Variants in MICAL2 observed in about 807,000 individuals in gnomAD.
The protein encoded by MICAL2 is microtubule associated monooxygenase, calponin and LIM domain containing 2, also known as [F-actin]-monooxygenase MICAL2.
A neutral mutation model predicts 127.3 loss-of-function variants in MICAL2; 77 were observed. The ratio of observed to expected loss-of-function variants is 0.60; its 90% CI spans 0.50 to 0.73. MICAL2 has a LOEUF of 0.73. Among genes scored for constraint, MICAL2 ranks in the 30% least tolerant of loss-of-function variants. The probability of loss-of-function intolerance (pLI) is 0.00; values close to 1 mark genes in which losing one functional copy is unlikely to be tolerated. For missense variants in MICAL2, 1,351 were observed against 1,434.4 expected (o/e 0.94, Z 0.94); for synonymous variants, 570 against 551.1 (o/e 1.03, Z -0.48).
At chr11:12,290,783 C>T (rs77237453), downstream of MICAL2, among the ~76,000 whole-genome samples, 590 of 152,292 alleles carry the variant, frequency 3.9e-3, 5 homozygotes, top group South Asian at 0.032. Context: ...TCAGAGCCCA[C>T]GGCTGGGACA....
chr11:12,249,321 G>C (rs1040349921), intron 22 of MICAL2, 75 bp downstream of exon 22: 2 of 854,870 alleles, frequency 2.3e-6, no homozygotes, highest in Non-Finnish European at 4.0e-6. Flanking sequence ...GCAGGGCTCT[G>C]GGAGTTAAGC....
In MICAL2 at chr11:12,242,654, TCTCA is replaced by T; in HGVS notation, c.2557-15_2557-12del. 6.2e-7 allele frequency: 1 copy of T among 1,601,134 alleles called. No individual in the cohort carries two copies. Among genetic ancestry groups the T allele is most frequent in the Non-Finnish European group, 8.5e-7 (1 of 1,169,870 alleles). On this transcript the variant is annotated splice_polypyrimidine_tract_variant and intron_variant, in intron 19 of 27. Transcript: ENST00000683283. ...CACTATCTCTCTTTTCTTTCTCCTT[TCTCA>T]CCTTCACTGCAGAAGAGGGCTCAGA... is the stretch of plus-strand genomic sequence containing the variant.
chr11:12,303,100 A>G (rs1014292085), intron 29 of MICAL2, among the ~76,000 whole-genome samples: 10 of 152,116 alleles, frequency 6.6e-5, no homozygotes, highest in African/African-American at 2.4e-4. Context: ...CTATCACAAA[A>G]ACAGCATGAA....
chr11:12,204,432 C>A lies in MICAL2; in HGVS notation c.447C>A (p.Phe149Leu), dbSNP rs1233266043. 1 of 1,614,152 alleles carries A rather than the reference C, an allele frequency of 6.2e-7. No homozygotes were observed. The highest frequency in any genetic ancestry group is 1.7e-5 in the Admixed American group (1 of 60,028). Residue 149 changes from phenylalanine to leucine, a missense_variant, in exon 4 of 28, where the codon TTC (phenylalanine) becomes TTA (leucine). Transcript: ENST00000683283. ...GLGAKKFYGK[F>L]CAGSIDHISI... The stretch of plus-strand genomic sequence containing the variant: ...GAGCCAAGAAGTTCTATGGGAAGTT[C>A]TGTGCTGGCTCCATCGACCATATCA...
chr11:12,212,291 G>A (rs1269061331), intron 6 of MICAL2, among the ~76,000 whole-genome samples: 2 of 152,134 alleles, frequency 1.3e-5, no homozygotes, highest in African/African-American at 4.8e-5. Context: ...GCAACATGAT[G>A]AAACTGTGTC....
intron 29 of MICAL2, among the ~76,000 whole-genome samples, chr11:12,312,064 A>G (rs1864181007): frequency 6.6e-6 from 1 of 151,464 alleles, no homozygotes; most frequent in Non-Finnish European, 1.5e-5. Context: ...AATAGTTCAT[A>G]TAATAACTTC....
intron 1 of MICAL2, among the ~76,000 whole-genome samples, chr11:12,129,600 C>A (rs1368845588): frequency 1.4e-5 from 2 of 145,452 alleles, no homozygotes. Context: ...GACCAGCCGA[C>A]CTTTATACAA....
chr11:12,221,951 A>T (rs1856862198), intron 10 of MICAL2, among the ~76,000 whole-genome samples, 192 bp downstream of exon 10: 1 of 152,178 alleles, frequency 6.6e-6, no homozygotes, highest in African/African-American at 2.4e-5. Flanking sequence ...TGACTCTTAC[A>T]GTGACTTTCT....
chr11:12,159,031 G>A (rs1854491858), intron 2 of MICAL2, among the ~76,000 whole-genome samples: 1 of 152,172 alleles, frequency 6.6e-6, no homozygotes, highest in African/African-American at 2.4e-5. Flanking sequence ...TCTGAGCCTG[G>A]TACAGGCTGC....
At chr11:12,231,957 G>A (rs536603242) in intron 15 of MICAL2, among the ~76,000 whole-genome samples, 40 of 152,154 alleles carry the variant, frequency 2.6e-4, no homozygotes, top group Non-Finnish European at 5.0e-4. Context: ...ACAGATTTAC[G>A]TCTGCTGGGG....
chr11:12,239,284 G>A lies in MICAL2; in HGVS notation c.2065-152G>A, dbSNP rs907505100. 2.7e-5 allele frequency: 26 copies of A among 958,102 alleles called. 1 individual carries two copies. Among genetic ancestry groups the A allele is most frequent in the African/African-American group, 1.8e-4 (11 of 60,664 alleles). The allele number at this position is 958,102 out of a possible 1,614,324, so 59.4% of individuals were successfully genotyped here. A position where few individuals can be genotyped will look rare whatever the true frequency, so the allele number is the denominator to read the frequency against. On this transcript the variant is annotated intron_variant, in intron 16 of 27. Coordinates refer to ENST00000683283, the MANE Select transcript of MICAL2 (RefSeq NM_001282663.2). The stretch of plus-strand genomic sequence containing the variant: ...TCCCTCCTGTGAGCATTGCCTCTGC[G>A]GGGGTGGCCCTGCTGCCTCTGCCTC...
intron 1 of MICAL2, among the ~76,000 whole-genome samples, chr11:12,112,911 G>T (rs1183030586): frequency 6.6e-6 from 1 of 152,044 alleles, no homozygotes; most frequent in African/African-American, 2.4e-5. Flanking sequence ...TATAATTGGG[G>T]TATGTTTCTG....
At chr11:12,361,457 A>G (rs539039242), downstream of MICAL2, among the ~76,000 whole-genome samples, 2 of 152,354 alleles carry the variant, frequency 1.3e-5, no homozygotes, top group African/African-American at 4.8e-5. Context: ...TATAAGCATC[A>G]ACCTATTCTA....
At chr11:12,327,383 G>A in intron 32 of MICAL2, 2 of 813,876 alleles carry the variant, frequency 2.5e-6, no homozygotes, top group East Asian at 2.7e-5. Context: ...TGGACATATG[G>A]TGGTAAATCC....
rs562963768 is a variant in MICAL2, at chr11:12,318,962, T to C, written c.5213-734T>C. 2.3e-4 allele frequency among the ~76,000 whole-genome samples: 35 copies of C among 152,318 alleles called. No homozygotes were observed. In the South Asian group the frequency reaches 7.3e-3, roughly 32 times the overall value. On this transcript the variant is annotated intron_variant, in intron 29 of 34. Transcript: ENST00000646065. ...CCTTGGGCCCTGTGTTGTTGAGCCA[T>C]CCCTATCTTAAACTGCCTTTCCTGG...
intron 2 of MICAL2, chr11:12,153,119 C>T (rs1234586982): frequency 6.6e-6 from 1 of 151,976 alleles, no homozygotes. Context: ...CAGCCTCGAC[C>T]TCCTGGGCCC....
intron 3 of MICAL2, among the ~76,000 whole-genome samples, chr11:12,193,166 A>G (rs543174069): frequency 1.3e-5 from 2 of 152,302 alleles, no homozygotes; most frequent in East Asian, 3.9e-4. Flanking sequence ...GTGTTCATTC[A>G]GCACCTGTCT....
chr11:12,174,591 C>G (rs1856632345), intron 3 of MICAL2, among the ~76,000 whole-genome samples: 1 of 151,850 alleles, frequency 6.6e-6, no homozygotes, highest in Admixed American at 6.6e-5. Context: ...AGTGAGGAAC[C>G]CTTGTTTTTT....
intron 24 of MICAL2, among the ~76,000 whole-genome samples, chr11:12,257,471 GA>G (rs1555010204): frequency 1.3e-5 from 2 of 152,194 alleles, no homozygotes; most frequent in Non-Finnish European, 2.9e-5. Context: ...TCATCGGAAC[GA>G]ATGATTATTT....
Sources: gnomAD v4.1 joint callset for allele counts (sites outside exome capture counted in the v4.1 genomes callset) on GRCh38, gnomAD v4.1.1 for gene constraint, MANE v1.5 for transcripts, NCBI Gene and HGNC (gene_info 2026-07-23, HGNC 2026-07-21) for gene names.